Variants in ZDHHC21 observed in about 807,000 individuals in gnomAD.
ZDHHC21 encodes palmitoyltransferase ZDHHC21.
A neutral mutation model predicts 34.6 loss-of-function variants in ZDHHC21; 15 were observed. That is an observed-to-expected ratio of 0.43 (90% CI 0.29 to 0.67). The LOEUF (loss-of-function observed/expected upper bound fraction) is 0.67. Among genes scored for constraint, ZDHHC21 ranks in the 30% least tolerant of loss-of-function variants. The pLI is 0.14. For synonymous variants in ZDHHC21, 142 were observed against 101.8 expected, an observed-to-expected ratio of 1.40 and a Z score of -2.38; for missense variants, 344 against 327.7, an observed-to-expected ratio of 1.05 and a Z score of -0.38.
At chr9:14,641,953 C>T (rs556383829) in intron 7 of ZDHHC21, among the ~76,000 whole-genome samples, 1 of 152,242 alleles carries the variant, frequency 6.6e-6, no homozygotes, top group African/African-American at 2.4e-5. Flanking sequence ...TAGGAATGCA[C>T]ATATTGCATT....
intron 7 of ZDHHC21, among the ~76,000 whole-genome samples, chr9:14,650,540 A>AT (rs1218643112): frequency 6.6e-6 from 1 of 152,000 alleles, no homozygotes; most frequent in South Asian, 2.1e-4. Flanking sequence ...AGGCTACAAT[A>AT]TTTTTTTAAA....
chr9:14,670,043 C>CA (rs1328831627), intron 5 of ZDHHC21, among the ~76,000 whole-genome samples: 1 of 150,976 alleles, frequency 6.6e-6, no homozygotes, highest in Non-Finnish European at 1.5e-5. Context: ...AACAAACAAA[C>CA]AAAAAAACTT....
At chr9:14,663,293 T>C (rs1052678685) in intron 5 of ZDHHC21, among the ~76,000 whole-genome samples, 1 of 152,148 alleles carries the variant, frequency 6.6e-6, no homozygotes, top group African/African-American at 2.4e-5. Context: ...ATTAAAAGTA[T>C]GGACATAGTA....
intron 7 of ZDHHC21, among the ~76,000 whole-genome samples, chr9:14,656,332 T>C (rs1342236575): frequency 6.6e-6 from 1 of 151,968 alleles, no homozygotes; most frequent in East Asian, 1.9e-4. Flanking sequence ...CTAATAAACA[T>C]TCAATTTTAT....
intron 1 of ZDHHC21, among the ~76,000 whole-genome samples, chr9:14,692,842 G>C (rs12115496): frequency 0.019 from 2,721 of 145,514 alleles, 35 homozygotes; most frequent in Middle Eastern, 0.06. Flanking sequence ...GTCTCCAGAC[G>C]GGGGTGCGGG....
chr9:14,635,371 C>T (rs546009254), intron 8 of ZDHHC21, among the ~76,000 whole-genome samples: 5 of 152,218 alleles, frequency 3.3e-5, no homozygotes, highest in South Asian at 2.1e-4. Context: ...AGGTCTTCTC[C>T]GATTTGGCAC....
the ZDHHC21 span, among the ~76,000 whole-genome samples, chr9:14,598,288 AACTTTC>A: frequency 1.3e-5 from 2 of 152,144 alleles, no homozygotes; most frequent in Non-Finnish European, 2.9e-5. Context: ...GCCTCACCAC[AACTTTC>A]ACTAACAACC....
intron 6 of ZDHHC21, among the ~76,000 whole-genome samples, chr9:14,659,388 T>C (rs1346900639): frequency 6.6e-6 from 1 of 152,216 alleles, no homozygotes; most frequent in Non-Finnish European, 1.5e-5. Flanking sequence ...TTTAAAAATC[T>C]ACCCCTGGTT....
chr9:14,608,637 T>G (rs181892666), downstream of ZDHHC21, among the ~76,000 whole-genome samples: 13 of 152,144 alleles, frequency 8.5e-5, no homozygotes, highest in East Asian at 2.5e-3. Flanking sequence ...GATACAAATA[T>G]TTTTTTAAGT....
chr9:14,657,698 C>T (rs1157295998), intron 7 of ZDHHC21, among the ~76,000 whole-genome samples: 1 of 152,086 alleles, frequency 6.6e-6, no homozygotes, highest in Non-Finnish European at 1.5e-5. Flanking sequence ...TAAACCAAGG[C>T]CCATAGTTTG....
the ZDHHC21 span, among the ~76,000 whole-genome samples, chr9:14,592,444 C>A: frequency 6.6e-6 from 1 of 151,980 alleles, no homozygotes; most frequent in Admixed American, 6.6e-5. Flanking sequence ...ATAAACCCAA[C>A]AGTACAGTAT....
chr9:14,608,160 G>A (rs1823075501), downstream of ZDHHC21, among the ~76,000 whole-genome samples: 1 of 152,082 alleles, frequency 6.6e-6, no homozygotes, highest in Non-Finnish European at 1.5e-5. Flanking sequence ...CAGCTACAAA[G>A]CTTACACAAG....
chr9:14,644,696 T>C (rs1829982572), intron 7 of ZDHHC21, among the ~76,000 whole-genome samples: 1 of 152,030 alleles, frequency 6.6e-6, no homozygotes, highest in South Asian at 2.1e-4. Flanking sequence ...ACTTATTTTC[T>C]AGTGCAAAAA....
intron 7 of ZDHHC21, among the ~76,000 whole-genome samples, chr9:14,650,399 C>A (rs1831032656): frequency 6.6e-6 from 1 of 151,884 alleles, no homozygotes; most frequent in Non-Finnish European, 1.5e-5. Context: ...ATACTCTTGG[C>A]TATTCTTGAC....
chr9:14,614,720 A>G lies in ZDHHC21; in HGVS notation c.*4246T>C, dbSNP rs1196984768. 1 of 151,744 alleles carries G rather than the reference A, an allele frequency of 6.6e-6. No homozygotes were observed. The highest frequency in any genetic ancestry group is 2.4e-5 in the African/African-American group (1 of 41,416). 9.4% of individuals were successfully genotyped at this position (151,744 alleles called of 1,614,324 possible). A position where few individuals can be genotyped will look rare whatever the true frequency, so the allele number is the denominator to read the frequency against. On this transcript the variant is annotated 3_prime_UTR_variant, in exon 10 of 10. Coordinates refer to ENST00000380916, the MANE Select transcript of ZDHHC21 (RefSeq NM_178566.6). ...ATTAATCATACAGTTAATACTAGCA[A>G]GTAGAACACATTAAATGTACATGGC...
intron 2 of ZDHHC21, among the ~76,000 whole-genome samples, chr9:14,683,103 C>T (rs949310230): frequency 6.6e-6 from 1 of 152,008 alleles, no homozygotes; most frequent in Non-Finnish European, 1.5e-5. Flanking sequence ...AAAATTGACA[C>T]CCTAACATCA....
chr9:14,650,678 C>G (rs998839730), intron 7 of ZDHHC21, among the ~76,000 whole-genome samples: 1 of 151,812 alleles, frequency 6.6e-6, no homozygotes, highest in African/African-American at 2.4e-5. Flanking sequence ...TTTTGTTAGC[C>G]AAAAGGCTAG....
intron 8 of ZDHHC21, among the ~76,000 whole-genome samples, chr9:14,625,760 T>C (rs1461993823): frequency 1.3e-5 from 2 of 151,730 alleles, no homozygotes; most frequent in African/African-American, 4.8e-5. Context: ...AATAAAATAA[T>C]AGGGACTACA....
chr9:14,609,052 T>G (rs903100546), downstream of ZDHHC21, among the ~76,000 whole-genome samples: 3 of 151,424 alleles, frequency 2.0e-5, no homozygotes, highest in African/African-American at 7.3e-5. Context: ...GTCTCAAATG[T>G]ATGTTCCTCT....
Sources: allele counts gnomAD v4.1 joint callset (sites outside exome capture counted in the v4.1 genomes callset), GRCh38; gene constraint gnomAD v4.1.1; transcripts MANE v1.5; gene names NCBI Gene and HGNC (gene_info 2026-07-23, HGNC 2026-07-21).